Variants in NUP93 observed in about 807,000 individuals in gnomAD.
NUP93 encodes nuclear pore complex protein Nup93.
NUP93 carries 55 observed loss-of-function variants against 107.8 expected under a neutral mutation model. The observed-to-expected ratio is 0.51, with a 90% confidence interval of 0.41 to 0.64. The LOEUF (loss-of-function observed/expected upper bound fraction) is 0.64, where lower values mean the gene tolerates loss of function less well. NUP93 is among the 30% of genes least tolerant of loss of function. The pLI is 0.00. For synonymous variants in NUP93, 390 were observed against 397.5 expected (o/e 0.98, Z 0.22); for missense variants, 937 against 1,044.7 (o/e 0.90, Z 1.42).
chr16:56,834,846 A>G, intron 16 of NUP93, 68 bp downstream of exon 16: 1 of 1,252,562 alleles, frequency 8.0e-7, no homozygotes, highest in Non-Finnish European at 1.2e-6. Context: ...CAAAAAATAC[A>G]CTTAGATTTT....
rs778499994 is a variant in NUP93, at chr16:56,832,316, G to A, written c.1273G>A (p.Asp425Asn). ...WLKLNQVCFDDDGTSSPQDRL... is the reference protein window; with the variant it reads ...WLKLNQVCFDNDGTSSPQDRL... ...TTAGTTGAACCAAGTGTGTTTTGAC[G>A]ACGATGGCACCAGCTCCCCACAAGA... The change falls in exon 12 of 22, where the codon GAC becomes AAC. Residue 425 changes from aspartate to asparagine, a missense_variant. Transcript: ENST00000308159. 1.9e-5 allele frequency: 31 copies of A among 1,613,976 alleles called. No homozygotes were observed. The East Asian group carries it at 4.0e-4, about 21-fold the overall frequency.
chr16:56,772,731 C>T (rs1962345746), intron 3 of NUP93, among the ~76,000 whole-genome samples: 1 of 152,252 alleles, frequency 6.6e-6, no homozygotes. Context: ...AGCCAGTTTG[C>T]TCATGTTCTG....
At chr16:56,832,160 C>A in intron 11 of NUP93, 135 bp from the exon 12 acceptor site, 1 of 1,216,310 alleles carries the variant, frequency 8.2e-7, no homozygotes, top group South Asian at 1.3e-5. Context: ...TTGTGTAATT[C>A]CCAGCTCATA....
At chr16:56,842,518 C>A in intron 21 of NUP93, 1 of 422,656 alleles carries the variant, frequency 2.4e-6, no homozygotes, top group Non-Finnish European at 4.6e-6. Context: ...ATTTTTTGAC[C>A]CAGTTAAACC....
At chr16:56,808,643 AAT>A (rs1567399041) in intron 5 of NUP93, among the ~76,000 whole-genome samples, 1 of 135,856 alleles carries the variant, frequency 7.4e-6, no homozygotes, top group African/African-American at 2.7e-5. Context: ...CATTTATATA[AAT>A]ATATAAAAAT....
intron 21 of NUP93, among the ~76,000 whole-genome samples, chr16:56,842,961 G>C (rs1161637260): frequency 6.6e-6 from 1 of 152,190 alleles, no homozygotes; most frequent in African/African-American, 2.4e-5. Context: ...TGGCAGCCAA[G>C]AAGCCTTGAT....
intron 3 of NUP93, among the ~76,000 whole-genome samples, chr16:56,777,679 A>T (rs1962439762): frequency 6.6e-6 from 1 of 152,204 alleles, no homozygotes; most frequent in African/African-American, 2.4e-5. Context: ...ATTTTCCCCG[A>T]ACTTCCGTGG....
chr16:56,834,630 T>C, intron 15 of NUP93, 104 bp from the exon 16 acceptor site: 1 of 1,160,732 alleles, frequency 8.6e-7, no homozygotes. Context: ...GCCTAAGACT[T>C]ATCCCATTCA....
chr16:56,778,470 C>A (rs575485526), intron 3 of NUP93, among the ~76,000 whole-genome samples: 4 of 152,120 alleles, frequency 2.6e-5, no homozygotes, highest in Non-Finnish European at 4.4e-5. Context: ...TTGGTTTGGC[C>A]AGTGGAAGGA....
At chr16:56,745,359 T>TGG (rs1379425814) in intron 1 of NUP93, among the ~76,000 whole-genome samples, 1 of 150,744 alleles carries the variant, frequency 6.6e-6, no homozygotes, top group Non-Finnish European at 1.5e-5. Flanking sequence ...TGAGGGGGGG[T>TGG]GGGGCCCCTT....
chr16:56,808,697 A>G (rs1963237892), intron 5 of NUP93, among the ~76,000 whole-genome samples: 1 of 129,272 alleles, frequency 7.7e-6, no homozygotes, highest in Non-Finnish European at 1.6e-5. Context: ...ATTTATAAAT[A>G]TATAAAAATA....
intron 1 of NUP93, among the ~76,000 whole-genome samples, chr16:56,730,668 GCGAGGGGAA>G (rs1474732443): frequency 6.6e-6 from 1 of 152,186 alleles, no homozygotes; most frequent in East Asian, 1.9e-4. Flanking sequence ...GGTCTTTGGG[GCGAGGGGAA>G]CTTATCCCAA....
intron 18 of NUP93, among the ~76,000 whole-genome samples, 186 bp downstream of exon 18, chr16:56,837,912 T>C (rs1212583980): frequency 6.6e-6 from 1 of 152,266 alleles, no homozygotes. Context: ...GAACTAGTAC[T>C]TGGTACTATC....
intron 3 of NUP93, among the ~76,000 whole-genome samples, chr16:56,764,011 A>G (rs1596780533): frequency 6.6e-6 from 1 of 152,240 alleles, no homozygotes; most frequent in Non-Finnish European, 1.5e-5. Context: ...ACTATATATC[A>G]TATGTAAGAC....
Position 56,846,937 on chromosome 16 carries a change from G to GA in NUP93, c.*2330dup, listed in dbSNP as rs1964123929. ...CCTGCAGTTCTACTTGTCTCAGAGAGAACTGCACACCAGCCCTGCATCCAG... is the reference window on the plus strand; with the variant it reads ...CCTGCAGTTCTACTTGTCTCAGAGAGAAACTGCACACCAGCCCTGCATCCAG... On this transcript the variant is annotated 3_prime_UTR_variant, in exon 22 of 22. Transcript: ENST00000308159. The GA allele has an allele frequency of 6.6e-6, 1 of 152,200 alleles. No homozygotes were observed. The highest frequency in any genetic ancestry group is 1.5e-5 in the Non-Finnish European group (1 of 68,044). 9.4% of individuals were successfully genotyped at this position (152,200 alleles called of 1,614,324 possible).
intron 3 of NUP93, among the ~76,000 whole-genome samples, chr16:56,782,798 G>A (rs1490850864): frequency 1.3e-5 from 2 of 152,128 alleles, no homozygotes; most frequent in East Asian, 3.8e-4. Flanking sequence ...TTTAGCATAA[G>A]GCTTGAAATG....
intron 4 of NUP93, among the ~76,000 whole-genome samples, chr16:56,800,670 T>C (rs1963000874): frequency 6.6e-6 from 1 of 152,242 alleles, no homozygotes; most frequent in Admixed American, 6.5e-5. Context: ...TTTGTGACTA[T>C]TTCATGTTTG....
At chr16:56,740,315 G>T (rs1335021118) in intron 1 of NUP93, among the ~76,000 whole-genome samples, 2 of 149,022 alleles carry the variant, frequency 1.3e-5, no homozygotes, top group Non-Finnish European at 3.0e-5. Context: ...CAGACGGGGC[G>T]GCCGGGCAGA....
intron 16 of NUP93, 26 bp from the exon 17 acceptor site, chr16:56,836,575 T>C: frequency 3.7e-6 from 5 of 1,348,096 alleles, no homozygotes; most frequent in African/African-American, 1.4e-5. Context: ...TCTCTCTTCC[T>C]CCCCCTCCAT....
Sources: allele counts gnomAD v4.1 joint callset (sites outside exome capture counted in the v4.1 genomes callset), GRCh38; gene constraint gnomAD v4.1.1; transcripts MANE v1.5; gene names NCBI Gene and HGNC (gene_info 2026-07-23, HGNC 2026-07-21).